CNOT6: variants seen among roughly 807,000 people sequenced by gnomAD.
CNOT6 encodes CCR4-NOT transcription complex subunit 6.
A neutral mutation model predicts 61.2 loss-of-function variants in CNOT6; 12 were observed. The observed-to-expected ratio is 0.20, with a 90% CI of 0.13 to 0.32. The LOEUF (loss-of-function observed/expected upper bound fraction) is 0.32. Among genes scored for constraint, CNOT6 ranks in the 10% least tolerant of loss-of-function variants. The pLI is 1.00. For missense variants in CNOT6, 405 were observed against 663.9 expected (o/e 0.61, Z 4.28); for synonymous variants, 225 against 240.6 (o/e 0.94, Z 0.60).
intron 1 of CNOT6, among the ~76,000 whole-genome samples, chr5:180,512,840 C>T (rs550355513): frequency 6.6e-5 from 10 of 152,264 alleles, no homozygotes; most frequent in Non-Finnish European, 1.2e-4. Flanking sequence ...TCAGGTGACC[C>T]GCCTGCCTTG....
In CNOT6 at chr5:180,550,082, C is replaced by T. The variant is rs777672668; in HGVS notation, c.264C>T (p.Ser88=). 4 of 1,613,928 alleles carry T rather than the reference C, an allele frequency of 2.5e-6. No homozygotes were observed. Among genetic ancestry groups the T allele is most frequent in the African/African-American group, 1.3e-5 (1 of 74,908 alleles). The change falls in exon 3 of 12, where the codon AGC becomes AGT. Residue 88 remains serine (S), a synonymous_variant. Coordinates refer to ENST00000261951, the MANE Select transcript of CNOT6 (RefSeq NM_001370472.1). ...ACCTGTCATCTAATAAAATTCGTAGCTTACCCGCAGAACTCGGAAACATGG... is the reference window on the plus strand; with the variant it reads ...ACCTGTCATCTAATAAAATTCGTAGTTTACCCGCAGAACTCGGAAACATGG... ...YLDLSSNKIR[S]LPAELGNMVS... is the part of the protein sequence containing the mutation.
At chr5:180,547,278 G>C (rs1163706461) in intron 2 of CNOT6, among the ~76,000 whole-genome samples, 1 of 151,966 alleles carries the variant, frequency 6.6e-6, no homozygotes, top group Non-Finnish European at 1.5e-5. Flanking sequence ...CCAGCACTTT[G>C]GGAGGCCACA....
At chr5:180,566,965 T>A in intron 7 of CNOT6, 123 bp from the exon 8 acceptor site, 1 of 959,540 alleles carries the variant, frequency 1.0e-6, no homozygotes, top group Non-Finnish European at 1.5e-6. Flanking sequence ...GGAAAGATGT[T>A]ACATTCTTTA....
intron 1 of CNOT6, among the ~76,000 whole-genome samples, chr5:180,498,830 G>A (rs1269418037): frequency 6.6e-6 from 1 of 152,106 alleles, no homozygotes; most frequent in African/African-American, 2.4e-5. Flanking sequence ...TGAGATGAAG[G>A]CTCACTTGGA....
rs528116703 is a variant in CNOT6, at chr5:180,495,158, G to A, written c.-3+395G>A. Among the ~76,000 whole-genome samples the A allele has an allele frequency of 4.6e-4, 70 of 152,350 alleles. No individual in the cohort carries two copies. The East Asian group carries it at 0.013, about 29-fold the overall frequency. ...GCCTCTGTGGGTGGCGCGCTGTGTGGAGTGTGGAGCTTCGCGCTCCGTGGC... is the reference window on the plus strand; with the variant it reads ...GCCTCTGTGGGTGGCGCGCTGTGTGAAGTGTGGAGCTTCGCGCTCCGTGGC... On this transcript the variant is annotated intron_variant, in intron 1 of 11. Coordinates refer to ENST00000261951, the MANE Select transcript of CNOT6 (RefSeq NM_001370472.1).
intron 4 of CNOT6, among the ~76,000 whole-genome samples, chr5:180,560,968 A>AG (rs1760149603): frequency 1.7e-5 from 2 of 116,884 alleles, no homozygotes; most frequent in Non-Finnish European, 3.7e-5. Context: ...CTATCAATCA[A>AG]TCAGTCAATC....
At chr5:180,572,470 A>T (rs1244114804) in intron 11 of CNOT6, among the ~76,000 whole-genome samples, 1 of 151,690 alleles carries the variant, frequency 6.6e-6, no homozygotes. Context: ...GATTACAGGC[A>T]TGAGCCACCG....
rs370887033 is a variant in CNOT6, at chr5:180,499,093, G to A, written c.-3+4330G>A. Among the ~76,000 whole-genome samples the A allele has an allele frequency of 1.6e-4, 24 of 152,258 alleles. No homozygotes were observed. The South Asian group carries it at 5.0e-3, about 32-fold the overall frequency. ...GGCGTGAGCCACCATGCCTGGCCTG[G>A]ATCTATTTTTAACTTGGATATGGTG... On this transcript the variant is annotated intron_variant, in intron 1 of 11. Transcript: ENST00000261951.
rs1760962628 is a variant in CNOT6, at chr5:180,575,452, T to TTG, written c.*1253_*1254insGT. On this transcript the variant is annotated 3_prime_UTR_variant, in exon 12 of 12. Coordinates refer to ENST00000261951, the MANE Select transcript of CNOT6 (RefSeq NM_001370472.1). ...TCGTCAGTGTCTTTTCCTTAGTCTT[T>TTG]TTGTTGTTGTTGTTGTTGTTGTTTT... The TTG allele has an allele frequency of 6.6e-6, 1 of 151,938 alleles. No individual in the cohort carries two copies. The highest frequency in any genetic ancestry group is 1.5e-5 in the Non-Finnish European group (1 of 67,980). 9.4% of individuals were successfully genotyped at this position (151,938 alleles called of 1,614,324 possible).
chr5:180,561,711 G>A (rs34707414), intron 4 of CNOT6, among the ~76,000 whole-genome samples: 25,471 of 152,102 alleles, frequency 0.17, 2,237 homozygotes, highest in Non-Finnish European at 0.19. Flanking sequence ...CTGACACCTG[G>A]GAGTGGGGGC....
intron 2 of CNOT6, among the ~76,000 whole-genome samples, chr5:180,536,860 ATCT>A (rs1294847014): frequency 6.6e-6 from 1 of 152,116 alleles, no homozygotes; most frequent in Non-Finnish European, 1.5e-5. Flanking sequence ...GCCTCAAGTG[ATCT>A]TCCTGTCTTA....
At chr5:180,561,881 C>G (rs562322856) in intron 4 of CNOT6, among the ~76,000 whole-genome samples, 1 of 152,280 alleles carries the variant, frequency 6.6e-6, no homozygotes, top group African/African-American at 2.4e-5. Flanking sequence ...AGCTCCATAT[C>G]GCCTCCTTTC....
At chr5:180,562,968 A>G (rs1302718714) in intron 4 of CNOT6, among the ~76,000 whole-genome samples, 4 of 152,140 alleles carry the variant, frequency 2.6e-5, no homozygotes, top group Non-Finnish European at 5.9e-5. Flanking sequence ...AGAGAATGGT[A>G]CTCTTGTAAT....
At chr5:180,519,365 A>T (rs2127711903) in intron 1 of CNOT6, among the ~76,000 whole-genome samples, 1 of 152,260 alleles carries the variant, frequency 6.6e-6, no homozygotes, top group South Asian at 2.1e-4. Flanking sequence ...GACATTAGTC[A>T]CTCCATTTTG....
chr5:180,519,903 T>C (rs929996835), intron 1 of CNOT6, among the ~76,000 whole-genome samples: 3 of 151,710 alleles, frequency 2.0e-5, no homozygotes, highest in African/African-American at 7.3e-5. Context: ...GCTCAATCTC[T>C]GCTCACCACA....
At chr5:180,525,170 T>C (rs997081539) in intron 1 of CNOT6, among the ~76,000 whole-genome samples, 1 of 152,242 alleles carries the variant, frequency 6.6e-6, no homozygotes, top group African/African-American at 2.4e-5. Flanking sequence ...TCACCATTTA[T>C]ATTCTTAAGA....
chr5:180,500,155 A>G (rs548849282), intron 1 of CNOT6, among the ~76,000 whole-genome samples: 1 of 149,602 alleles, frequency 6.7e-6, no homozygotes, highest in Non-Finnish European at 1.5e-5. Flanking sequence ...CTTTCTTGAC[A>G]GGGTCTCACT....
At chr5:180,544,911 A>G (rs1185124564) in intron 2 of CNOT6, among the ~76,000 whole-genome samples, 1 of 152,170 alleles carries the variant, frequency 6.6e-6, no homozygotes, top group Non-Finnish European at 1.5e-5. Flanking sequence ...GTGAGCTATG[A>G]GCAAGCACAC....
Position 180,531,140 on chromosome 5 carries a change from G to A in CNOT6, c.112+1752G>A, listed in dbSNP as rs1466348066. Among the ~76,000 whole-genome samples the A allele has an allele frequency of 3.1e-5, 4 of 130,030 alleles. No homozygotes were observed. In the East Asian group the frequency reaches 6.5e-4, roughly 21 times the overall value. The allele number at this position is 130,030 out of a possible 152,430, so 85.3% of individuals were successfully genotyped here. On this transcript the variant is annotated intron_variant, in intron 2 of 11. Coordinates refer to ENST00000261951, the MANE Select transcript of CNOT6 (RefSeq NM_001370472.1). The stretch of plus-strand genomic sequence containing the variant: ...GGGCTCCTCACTTCCCAGACCGGGC[G>A]GCTGGGCGGAGGCGCCCCCCACCTC...
Sources: allele counts gnomAD v4.1 joint callset (sites outside exome capture counted in the v4.1 genomes callset), GRCh38; gene constraint gnomAD v4.1.1; transcripts MANE v1.5; gene names NCBI Gene and HGNC (gene_info 2026-07-23, HGNC 2026-07-21).